ARHGEF3: variants seen among roughly 807,000 people sequenced by gnomAD.
ARHGEF3 encodes 59.8 kDA protein.
ARHGEF3 carries 28 observed loss-of-function variants against 63.2 expected under a neutral mutation model. That is an observed-to-expected ratio of 0.44 (90% CI 0.33 to 0.61). ARHGEF3 has a LOEUF of 0.61. Ranked by LOEUF, ARHGEF3 falls within the 20% of genes least tolerant of loss-of-function variation. ARHGEF3 has a pLI of 0.03. For synonymous variants in ARHGEF3, 266 were observed against 254.2 expected (o/e 1.05, Z -0.44); for missense variants, 533 against 659.3 (o/e 0.81, Z 2.10).
chr3:57,042,210 T>G (rs965390311), intron 1 of ARHGEF3, among the ~76,000 whole-genome samples: 1 of 152,074 alleles, frequency 6.6e-6, no homozygotes, highest in Non-Finnish European at 1.5e-5. Context: ...ACATACCCTA[T>G]GAAAAACAAC....
chr3:56,731,566 T>C (rs2033161515), intron 9 of ARHGEF3: 1 of 150,962 alleles, frequency 6.6e-6, no homozygotes, highest in Admixed American at 6.6e-5. Flanking sequence ...ACAGACCTCC[T>C]ATTGCTATCC....
intron 3 of ARHGEF3, among the ~76,000 whole-genome samples, chr3:56,956,702 G>A (rs573415582): frequency 5.0e-4 from 76 of 152,262 alleles, no homozygotes; most frequent in African/African-American, 1.6e-3. Flanking sequence ...GTCACTCCAC[G>A]TGTACCCACA....
Position 56,936,916 on chromosome 3 carries a change from G to A in ARHGEF3, c.129+21907C>T, listed in dbSNP as rs529031983. ...TGTATTTTTTGTACAGATAGGTTTCGCCATGTTGCCCAGGCTGGTCTTGAA... is the reference window on the plus strand; with the variant it reads ...TGTATTTTTTGTACAGATAGGTTTCACCATGTTGCCCAGGCTGGTCTTGAA... On this transcript the variant is annotated intron_variant, in intron 3 of 12. Transcript: ENST00000338458. Among the ~76,000 whole-genome samples the A allele has an allele frequency of 2.0e-5, 3 of 152,118 alleles. No individual in the cohort carries two copies. In the South Asian group the frequency reaches 6.2e-4, roughly 32 times the overall value.
chr3:56,965,129 C>T (rs1700436136), intron 2 of ARHGEF3, among the ~76,000 whole-genome samples: 1 of 152,078 alleles, frequency 6.6e-6, no homozygotes, highest in African/African-American at 2.4e-5. Context: ...GTAGCATGAG[C>T]CTATAATCCC....
intron 2 of ARHGEF3, among the ~76,000 whole-genome samples, chr3:56,972,536 G>C (rs1339229329): frequency 2.6e-5 from 4 of 152,064 alleles, no homozygotes; most frequent in Non-Finnish European, 5.9e-5. Context: ...AGCAGGGTAG[G>C]GGATCGGGGG....
chr3:57,038,989 A>G (rs1704070307), intron 1 of ARHGEF3, among the ~76,000 whole-genome samples: 1 of 152,134 alleles, frequency 6.6e-6, no homozygotes, highest in Non-Finnish European at 1.5e-5. Flanking sequence ...CATAATACCC[A>G]CCACATCCCT....
intron 2 of ARHGEF3, among the ~76,000 whole-genome samples, chr3:56,969,005 C>T (rs951003766): frequency 7.2e-5 from 11 of 152,308 alleles, no homozygotes; most frequent in African/African-American, 2.4e-4. Context: ...CTGCTAAAAA[C>T]GACGCATTCT....
At chr3:56,767,302 G>T (rs781504741) in intron 2 of ARHGEF3, among the ~76,000 whole-genome samples, 1 of 151,822 alleles carries the variant, frequency 6.6e-6, no homozygotes, top group Non-Finnish European at 1.5e-5. Context: ...TGCACATGCG[G>T]CCGGGCGCGG....
At chr3:56,962,553 A>G (rs1429187080) in intron 2 of ARHGEF3, among the ~76,000 whole-genome samples, 2 of 152,206 alleles carry the variant, frequency 1.3e-5, no homozygotes, top group African/African-American at 2.4e-5. Flanking sequence ...TGTCACAAGG[A>G]TAAGTATGAC....
At chr3:57,044,945 A>G (rs1294086218) in intron 1 of ARHGEF3, among the ~76,000 whole-genome samples, 1 of 152,150 alleles carries the variant, frequency 6.6e-6, no homozygotes, top group Non-Finnish European at 1.5e-5. Flanking sequence ...GTTCCAATGG[A>G]ACAAAAAAGT....
intron 2 of ARHGEF3, among the ~76,000 whole-genome samples, chr3:56,997,689 C>A (rs138320169): frequency 6.6e-6 from 1 of 152,110 alleles, no homozygotes; most frequent in African/African-American, 2.4e-5. Context: ...AGACAGCCTG[C>A]GAGTACAATG....
chr3:57,036,261 C>CA (rs1703958295), intron 1 of ARHGEF3, among the ~76,000 whole-genome samples: 1 of 152,062 alleles, frequency 6.6e-6, no homozygotes, highest in African/African-American at 2.4e-5. Context: ...ATACAGAGGG[C>CA]ATCTCCAAGT....
At chr3:56,979,497 C>T (rs1701246451) in intron 2 of ARHGEF3, among the ~76,000 whole-genome samples, 1 of 152,220 alleles carries the variant, frequency 6.6e-6, no homozygotes, top group Admixed American at 6.5e-5. Flanking sequence ...CAAGGGCTCT[C>T]AGCCCTGTCC....
At chr3:56,984,908 T>C (rs1048791741) in intron 2 of ARHGEF3, among the ~76,000 whole-genome samples, 2 of 152,188 alleles carry the variant, frequency 1.3e-5, no homozygotes, top group African/African-American at 4.8e-5. Flanking sequence ...ACCAATACCT[T>C]TGCTACCTGC....
chr3:56,827,124 T>TA (rs1172115414), intron 4 of ARHGEF3, among the ~76,000 whole-genome samples: 1 of 152,126 alleles, frequency 6.6e-6, no homozygotes, highest in Non-Finnish European at 1.5e-5. Flanking sequence ...TATAAAAAGA[T>TA]AAAATCACTT....
chr3:56,970,883 T>C (rs886308823), intron 2 of ARHGEF3, among the ~76,000 whole-genome samples: 2 of 152,190 alleles, frequency 1.3e-5, no homozygotes, highest in African/African-American at 4.8e-5. Flanking sequence ...TGACTTAATA[T>C]CTCTGATTCC....
chr3:56,841,346 A>T (rs2039301230), intron 4 of ARHGEF3, among the ~76,000 whole-genome samples: 1 of 152,104 alleles, frequency 6.6e-6, no homozygotes, highest in Admixed American at 6.6e-5. Flanking sequence ...TCCTCAACCA[A>T]ATCCCCCTTT....
chr3:57,066,963 T>C (rs2107374825), intron 1 of ARHGEF3, among the ~76,000 whole-genome samples: 1 of 152,250 alleles, frequency 6.6e-6, no homozygotes, highest in East Asian at 1.9e-4. Context: ...AACCTCTCAA[T>C]AGATAGATGA....
intron 3 of ARHGEF3, among the ~76,000 whole-genome samples, chr3:56,936,490 T>C (rs1698909711): frequency 6.6e-6 from 1 of 152,220 alleles, no homozygotes; most frequent in Non-Finnish European, 1.5e-5. Flanking sequence ...GCGTCTACCC[T>C]GCATAGCAAA....
Sources: gnomAD v4.1 joint callset for allele counts (sites outside exome capture counted in the v4.1 genomes callset) on GRCh38, gnomAD v4.1.1 for gene constraint, MANE v1.5 for transcripts, NCBI Gene and HGNC (gene_info 2026-07-23, HGNC 2026-07-21) for gene names.